ATIC: variants seen among roughly 807,000 people sequenced by gnomAD.
ATIC encodes the protein 5-aminoimidazole-4-carboxamide ribonucleotide formyltransferase/IMP cyclohydrolase, also known as bifunctional purine biosynthesis protein ATIC.
In ATIC, 64 loss-of-function variants were observed where a neutral mutation model predicts 72.5. The ratio of observed to expected loss-of-function variants is 0.88; its 90% CI spans 0.72 to 1.09. The LOEUF (loss-of-function observed/expected upper bound fraction) is 1.09. ATIC is among the 50% of genes least tolerant of loss of function. ATIC has a pLI of 0.00. For synonymous variants in ATIC, 281 were observed against 267.1 expected (o/e 1.05, Z -0.51); for missense variants, 787 against 732.4 (o/e 1.07, Z -0.86).
the ATIC span, among the ~76,000 whole-genome samples, chr2:215,356,006 A>G: frequency 6.6e-6 from 1 of 152,238 alleles, no homozygotes; most frequent in East Asian, 1.9e-4. Context: ...TTCTGGTGCT[A>G]GTCTATCAGG....
chr2:215,324,326 G>T (rs2052799758), intron 4 of ATIC, among the ~76,000 whole-genome samples: 1 of 152,178 alleles, frequency 6.6e-6, no homozygotes, highest in African/African-American at 2.4e-5. Context: ...TTTGCTGAGT[G>T]TTTCTATATG....
In ATIC at chr2:215,336,112, T is replaced by C. The variant is rs1434526754; in HGVS notation, c.1086T>C (p.Tyr362=). ...TTTCCAAAAAGAAAAATGGAAACTATTGTGTCCTTCAGGTGAGTGCAATTC... is the reference window on the plus strand; with the variant it reads ...TTTCCAAAAAGAAAAATGGAAACTACTGTGTCCTTCAGGTGAGTGCAATTC... The part of the protein sequence containing the change: ...TILSKKKNGN[Y]CVLQMDQSYK... The change falls in exon 11 of 16, where the codon TAT becomes TAC. Residue 362 remains tyrosine, a synonymous_variant. Transcript: ENST00000236959. 3.7e-6 allele frequency: 6 copies of C among 1,611,454 alleles called. No individual in the cohort carries two copies. Among genetic ancestry groups the C allele is most frequent in the South Asian group, 2.2e-5 (2 of 90,968 alleles).
intron 14 of ATIC, 23 bp from the exon 15 acceptor site, chr2:215,349,071 T>C (rs751091785): frequency 3.1e-6 from 5 of 1,613,970 alleles, no homozygotes; most frequent in Non-Finnish European, 4.2e-6. Flanking sequence ...ACCAAGCTTC[T>C]TCCTTTCTCT....
At chr2:215,362,113 T>G in the ATIC span, 3 of 1,506,090 alleles carry the variant, frequency 2.0e-6, no homozygotes, top group Non-Finnish European at 2.8e-6. Flanking sequence ...CAAATGGGGT[T>G]TATGATAACC....
chr2:215,342,557 G>T (rs2106035699), intron 12 of ATIC, among the ~76,000 whole-genome samples: 1 of 152,216 alleles, frequency 6.6e-6, no homozygotes, highest in African/African-American at 2.4e-5. Context: ...TCTGTAGCCG[G>T]GCTCACTTGA....
chr2:215,355,163 T>G, the ATIC span, among the ~76,000 whole-genome samples: 1 of 152,104 alleles, frequency 6.6e-6, no homozygotes. Context: ...TGAGGTGGTG[T>G]TTTCCTTTAT....
At chr2:215,356,397 C>A in the ATIC span, among the ~76,000 whole-genome samples, 1 of 152,200 alleles carries the variant, frequency 6.6e-6, no homozygotes, top group Non-Finnish European at 1.5e-5. Context: ...CACATCTCTT[C>A]CTCATGAAGG....
chr2:215,313,681 A>G (rs1320315848), intron 2 of ATIC, among the ~76,000 whole-genome samples: 3 of 152,194 alleles, frequency 2.0e-5, no homozygotes, highest in Non-Finnish European at 4.4e-5. Context: ...GTAGGTTATT[A>G]CCTTTTCTTT....
chr2:215,366,261 ATTAAGAT>A, the ATIC span, among the ~76,000 whole-genome samples: 2 of 152,162 alleles, frequency 1.3e-5, no homozygotes, highest in Non-Finnish European at 2.9e-5. Flanking sequence ...AATTCTCACT[ATTAAGAT>A]TTAAAATTGT....
intron 2 of ATIC, among the ~76,000 whole-genome samples, chr2:215,317,466 TGA>T (rs2052722066): frequency 1.3e-5 from 2 of 152,184 alleles, no homozygotes; most frequent in African/African-American, 4.8e-5. Flanking sequence ...TTCACTCACT[TGA>T]TATGCCATCT....
At chr2:215,328,534 C>T (rs1412993927) in intron 7 of ATIC, among the ~76,000 whole-genome samples, 1 of 152,092 alleles carries the variant, frequency 6.6e-6, no homozygotes, top group Non-Finnish European at 1.5e-5. Context: ...ACCCAGAATT[C>T]TTCCCTCTGC....
At chr2:215,356,307 T>A in the ATIC span, among the ~76,000 whole-genome samples, 1 of 152,210 alleles carries the variant, frequency 6.6e-6, no homozygotes, top group Non-Finnish European at 1.5e-5. Flanking sequence ...TGATGTCTAT[T>A]TATGGATAAT....
chr2:215,313,851 G>A (rs16853769), intron 2 of ATIC, among the ~76,000 whole-genome samples: 2,166 of 152,216 alleles, frequency 0.014, 37 homozygotes, highest in African/African-American at 0.048. Flanking sequence ...TGTGAGAATC[G>A]TGGCAGGCAA....
At chr2:215,342,755 C>T (rs1256241933) in intron 12 of ATIC, among the ~76,000 whole-genome samples, 2 of 152,352 alleles carry the variant, frequency 1.3e-5, no homozygotes, top group African/African-American at 2.4e-5. Flanking sequence ...TCTTGGCTCA[C>T]TGCAATCTCC....
intron 7 of ATIC, among the ~76,000 whole-genome samples, chr2:215,330,832 C>T (rs1173922460): frequency 6.6e-6 from 1 of 152,052 alleles, no homozygotes; most frequent in African/African-American, 2.4e-5. Flanking sequence ...GCATGCACCA[C>T]CATGCCCAGC....
chr2:215,327,819 C>T (rs1260058398), intron 7 of ATIC, among the ~76,000 whole-genome samples: 8 of 151,434 alleles, frequency 5.3e-5, no homozygotes, highest in African/African-American at 9.7e-5. Flanking sequence ...AGGGGAGCAG[C>T]GTGCCAGGTG....
intron 2 of ATIC, among the ~76,000 whole-genome samples, chr2:215,316,645 T>C (rs1005363422): frequency 6.6e-6 from 1 of 152,246 alleles, no homozygotes; most frequent in Non-Finnish European, 1.5e-5. Flanking sequence ...TAAAAATGGA[T>C]TGTAATTCTT....
chr2:215,318,188 A>G lies in ATIC; in HGVS notation c.178A>G (p.Met60Val), dbSNP rs2052729942. Residue 60 changes from methionine (M) to valine (V), a missense_variant, in exon 3 of 16, where the codon ATG becomes GTG. Met to Val is a conservative substitution (Grantham distance 21). Transcript: ENST00000236959. ...CTCTGAGTTGACGGGATTTCCTGAA[A>G]TGTTGGGGGGACGTGTGAAAACTTT... is the stretch of plus-strand genomic sequence containing the variant. ...DVSELTGFPE[M>V]LGGRVKTLHP... 2 of 1,614,132 alleles carry G rather than the reference A, an allele frequency of 1.2e-6. No homozygotes were observed. Among genetic ancestry groups the G allele is most frequent in the Non-Finnish European group, 1.7e-6 (2 of 1,179,988 alleles).
rs2053113438 is a variant in ATIC at position 215,349,642 on chromosome 2, T to C, written c.1766T>C (p.Leu589Pro). The part of the protein sequence containing the change: ...GIILAHTNLR[L>P]FHH ...ATCCTCGCTCATACGAACCTTCGGC[T>C]CTTCCACCACTGATTTTACCACACA... Residue 589 changes from leucine to proline, a missense_variant, in exon 16 of 16, where the codon CTC (leucine) becomes CCC (proline). Transcript: ENST00000236959. 1 of 1,614,100 alleles carries C rather than the reference T, an allele frequency of 6.2e-7. No individual in the cohort carries two copies. The highest frequency in any genetic ancestry group is 1.1e-5 in the South Asian group (1 of 91,092).
Sources: gnomAD v4.1 joint callset for allele counts (sites outside exome capture counted in the v4.1 genomes callset) on GRCh38, gnomAD v4.1.1 for gene constraint, MANE v1.5 for transcripts, NCBI Gene and HGNC (gene_info 2026-07-23, HGNC 2026-07-21) for gene names.